The following ADAMTS18 variants were observed in gnomAD, a reference collection of about 807,000 sequenced individuals.
The protein encoded by ADAMTS18 is ADAM metallopeptidase with thrombospondin type 1 motif 18, also known as A disintegrin and metalloproteinase with thrombospondin motifs 18.
ADAMTS18 carries 157 observed loss-of-function variants against 165.9 expected under a neutral mutation model. The ratio of observed to expected loss-of-function variants is 0.95; its 90% confidence interval spans 0.83 to 1.08. ADAMTS18 has a LOEUF of 1.08. Ranked by LOEUF, ADAMTS18 falls within the 50% of genes least tolerant of loss-of-function variation. The pLI is 0.00. For synonymous variants in ADAMTS18, 782 were observed against 578.2 expected (o/e 1.35, Z -5.06); for missense variants, 2,040 against 1,534.0 (o/e 1.33, Z -5.51).
intron 3 of ADAMTS18, among the ~76,000 whole-genome samples, chr16:77,392,477 A>G (rs2057201113): frequency 6.6e-6 from 1 of 152,050 alleles, no homozygotes; most frequent in Non-Finnish European, 1.5e-5. Context: ...ACACGTGTCC[A>G]CCTCAGAGAA....
chr16:77,287,786 A>C (rs1389494770), intron 22 of ADAMTS18, among the ~76,000 whole-genome samples: 1 of 152,100 alleles, frequency 6.6e-6, no homozygotes, highest in African/African-American at 2.4e-5. Context: ...TCCTCTTTTA[A>C]TAAGCCATTT....
chr16:77,428,737 T>C (rs72801690), intron 3 of ADAMTS18, among the ~76,000 whole-genome samples: 13,409 of 152,208 alleles, frequency 0.088, 776 homozygotes, highest in Middle Eastern at 0.13. Flanking sequence ...AAAATCCTTA[T>C]TGGAGCATTT....
intron 16 of ADAMTS18, among the ~76,000 whole-genome samples, chr16:77,314,237 T>C (rs1368555566): frequency 6.6e-6 from 1 of 152,196 alleles, no homozygotes; most frequent in Non-Finnish European, 1.5e-5. Context: ...CTCCTGGGAC[T>C]AGAGGTTTTC....
intron 16 of ADAMTS18, among the ~76,000 whole-genome samples, chr16:77,306,202 C>G (rs1440870371): frequency 6.6e-6 from 1 of 152,190 alleles, no homozygotes; most frequent in Admixed American, 6.5e-5. Flanking sequence ...AGCTGGCAAG[C>G]AACCTCCTTA....
chr16:77,403,017 A>G (rs537374448), intron 3 of ADAMTS18, among the ~76,000 whole-genome samples: 1 of 152,210 alleles, frequency 6.6e-6, no homozygotes, highest in African/African-American at 2.4e-5. Context: ...TACAACAAAC[A>G]GTAGCCACTA....
At chr16:77,377,119 G>C (rs764290048) in intron 3 of ADAMTS18, among the ~76,000 whole-genome samples, 15 of 152,112 alleles carry the variant, frequency 9.9e-5, no homozygotes, top group Non-Finnish European at 1.9e-4. Flanking sequence ...CCGGCCTCAA[G>C]GGCCAAAATA....
intron 3 of ADAMTS18, among the ~76,000 whole-genome samples, chr16:77,412,897 A>G (rs931363487): frequency 5.3e-5 from 8 of 152,092 alleles, no homozygotes; most frequent in African/African-American, 4.8e-5. Context: ...GGGTCTCACT[A>G]TGTTGCCCAG....
chr16:77,407,371 C>T (rs145598415), intron 3 of ADAMTS18, among the ~76,000 whole-genome samples: 7 of 152,094 alleles, frequency 4.6e-5, no homozygotes, highest in East Asian at 1.9e-4. Context: ...TGTTCATAGA[C>T]GGAAAAGCAA....
At chr16:77,311,768 C>A (rs1052872318) in intron 16 of ADAMTS18, among the ~76,000 whole-genome samples, 1 of 146,236 alleles carries the variant, frequency 6.8e-6, no homozygotes, top group African/African-American at 2.5e-5. Flanking sequence ...TTTAAAAATA[C>A]AAGCAAGGCA....
chr16:77,293,021 G>C (rs1303594163), intron 20 of ADAMTS18, 55 bp downstream of exon 20: 4 of 1,607,702 alleles, frequency 2.5e-6, no homozygotes, highest in Admixed American at 1.7e-5. Context: ...GGGTTTCACT[G>C]TGTTAGCCAG....
chr16:77,364,003 A>C, intron 5 of ADAMTS18, 118 bp from the exon 6 acceptor site: 1 of 1,202,716 alleles, frequency 8.3e-7, no homozygotes, highest in Non-Finnish European at 1.2e-6. Context: ...ATGTACATAT[A>C]AATACAATTT....
chr16:77,321,354 T>C (rs1006439881), intron 14 of ADAMTS18, 152 bp from the exon 15 acceptor site: 9 of 1,019,772 alleles, frequency 8.8e-6, no homozygotes, highest in Non-Finnish European at 1.3e-5. Flanking sequence ...TTGGACTCAC[T>C]TGGGGTTCAA....
intron 3 of ADAMTS18, among the ~76,000 whole-genome samples, chr16:77,409,322 C>A (rs1448466546): frequency 6.6e-6 from 1 of 152,074 alleles, no homozygotes; most frequent in Non-Finnish European, 1.5e-5. Context: ...TAGTCAAAAC[C>A]TTTAGACTAA....
chr16:77,293,276 G>T lies in ADAMTS18; in HGVS notation c.3007-18C>A. 6.2e-7 allele frequency: 1 copy of T among 1,608,072 alleles called. No individual in the cohort carries two copies. On this transcript the variant is annotated intron_variant, in intron 19 of 22. Transcript: ENST00000282849. ...TTGGAACACTTGAGAAGACAAAAAA[G>T]TTCTATTTGCATTCCCATTAGGTTT... is the stretch of plus-strand genomic sequence containing the variant.
At chr16:77,382,919 G>C (rs554753019) in intron 3 of ADAMTS18, among the ~76,000 whole-genome samples, 3 of 152,246 alleles carry the variant, frequency 2.0e-5, no homozygotes, top group Admixed American at 2.0e-4. Flanking sequence ...TGTCTGGGAG[G>C]AGAAGATCCT....
intron 3 of ADAMTS18, among the ~76,000 whole-genome samples, chr16:77,401,976 G>C (rs528928208): frequency 5.9e-5 from 9 of 152,250 alleles, no homozygotes; most frequent in African/African-American, 1.9e-4. Flanking sequence ...TGGGTTTCAG[G>C]TGTTCGGACT....
chr16:77,339,488 G>T (rs966740668), intron 11 of ADAMTS18, among the ~76,000 whole-genome samples: 1 of 151,770 alleles, frequency 6.6e-6, no homozygotes, highest in Non-Finnish European at 1.5e-5. Flanking sequence ...TACCTGAAGT[G>T]CTTATGTAAT....
intron 3 of ADAMTS18, among the ~76,000 whole-genome samples, chr16:77,392,911 A>T (rs1188463902): frequency 6.6e-6 from 1 of 152,110 alleles, no homozygotes; most frequent in Non-Finnish European, 1.5e-5. Flanking sequence ...TGACTTGATG[A>T]GTGGGCTGGC....
intron 3 of ADAMTS18, among the ~76,000 whole-genome samples, chr16:77,375,437 A>G (rs951684432): frequency 1.3e-5 from 2 of 152,190 alleles, no homozygotes. Context: ...ATAAAATAAT[A>G]GAAGGGGTGA....
Sources: allele counts gnomAD v4.1 joint callset (sites outside exome capture counted in the v4.1 genomes callset), GRCh38; gene constraint gnomAD v4.1.1; transcripts MANE v1.5; gene names NCBI Gene and HGNC (gene_info 2026-07-23, HGNC 2026-07-21).